Variants in EPHB2 observed in about 807,000 individuals in gnomAD.
The protein encoded by EPHB2 is EPH receptor B2, also known as ephrin type-B receptor 2.
Under a neutral mutation model 96.4 loss-of-function variants are expected in EPHB2, and 18 were observed. The observed-to-expected ratio is 0.19, with a 90% CI of 0.13 to 0.28. EPHB2 has a LOEUF of 0.28. Ranked by LOEUF, EPHB2 falls within the 10% of genes least tolerant of loss-of-function variation. The pLI is 1.00. For synonymous variants in EPHB2, 506 were observed against 534.1 expected (o/e 0.95, Z 0.72); for missense variants, 989 against 1,355.4 (o/e 0.73, Z 4.25).
intron 3 of EPHB2, among the ~76,000 whole-genome samples, chr1:22,820,737 C>T (rs1178390732): frequency 6.6e-6 from 1 of 152,250 alleles, no homozygotes; most frequent in South Asian, 2.1e-4. Flanking sequence ...ACAGACTATG[C>T]CAATGGGTTT....
intron 1 of EPHB2, among the ~76,000 whole-genome samples, chr1:22,766,326 C>T (rs1644307129): frequency 1.3e-5 from 2 of 152,188 alleles, no homozygotes; most frequent in Non-Finnish European, 2.9e-5. Flanking sequence ...GTACATTGAG[C>T]ACCTAGTAGG....
At position 22,781,504 on chromosome 1, in the gene EPHB2, A is replaced by G. The variant is rs775381181; in HGVS notation, c.126+19A>G. On this transcript the variant is annotated intron_variant, in intron 2 of 15. Coordinates refer to ENST00000374630, the MANE Select transcript of EPHB2 (RefSeq NM_017449.5). ...ATCAGGGGTGAGTCAGTGGTCCCCA[A>G]ACCTTGCATTGGTCCCCAGGATCCC... The G allele has an allele frequency of 5.0e-6, 8 of 1,613,338 alleles. No homozygotes were observed. In the African/African-American group the frequency reaches 6.7e-5, roughly 13 times the overall value.
intron 1 of EPHB2, among the ~76,000 whole-genome samples, chr1:22,721,908 G>A (rs769758649): frequency 6.6e-6 from 1 of 151,868 alleles, no homozygotes; most frequent in South Asian, 2.1e-4. Flanking sequence ...AAGCCATTGC[G>A]CCCAGCCTGA....
At chr1:22,737,923 A>G (rs986043357) in intron 1 of EPHB2, among the ~76,000 whole-genome samples, 3 of 152,236 alleles carry the variant, frequency 2.0e-5, no homozygotes, top group Admixed American at 2.0e-4. Context: ...GGCTGTTCAG[A>G]TGCCTCTGAA....
chr1:22,805,686 T>TG (rs1459448210), intron 3 of EPHB2, among the ~76,000 whole-genome samples: 2 of 151,866 alleles, frequency 1.3e-5, no homozygotes, highest in African/African-American at 4.8e-5. Flanking sequence ...TGGGTGGGAA[T>TG]GGGGGTGAGG....
chr1:22,753,368 T>C (rs1644094419), intron 1 of EPHB2, among the ~76,000 whole-genome samples: 1 of 152,200 alleles, frequency 6.6e-6, no homozygotes, highest in South Asian at 2.1e-4. Context: ...TGGCCCGTGC[T>C]GGACACTTAA....
At chr1:22,764,961 G>C (rs1644287188) in intron 1 of EPHB2, among the ~76,000 whole-genome samples, 1 of 152,228 alleles carries the variant, frequency 6.6e-6, no homozygotes, top group Non-Finnish European at 1.5e-5. Context: ...GGTTGGGGCA[G>C]ATGCACGGGA....
intron 3 of EPHB2, among the ~76,000 whole-genome samples, chr1:22,802,792 A>T (rs1009548667): frequency 6.6e-6 from 1 of 151,930 alleles, no homozygotes; most frequent in African/African-American, 2.4e-5. Flanking sequence ...ATATGGTCTG[A>T]CTCTCAGCTC....
At chr1:22,782,971 C>G (rs979763525) in intron 2 of EPHB2, among the ~76,000 whole-genome samples, 1 of 152,168 alleles carries the variant, frequency 6.6e-6, no homozygotes, top group Non-Finnish European at 1.5e-5. Context: ...ATAAAGGACA[C>G]CCACTTGAGG....
At position 22,917,793 on chromosome 1, in the gene EPHB2, G is replaced by A. The variant is rs1339354387; in HGVS notation, c.*4223G>A. The A allele has an allele frequency of 6.6e-6, 1 of 152,212 alleles. No homozygotes were observed. Among genetic ancestry groups the A allele is most frequent in the Non-Finnish European group, 1.5e-5 (1 of 68,066 alleles). The allele number at this position is 152,212 out of a possible 1,614,324, so 9.4% of individuals were successfully genotyped here. On this transcript the variant is annotated 3_prime_UTR_variant, in exon 16 of 16. Coordinates refer to ENST00000374630, the MANE Select transcript of EPHB2 (RefSeq NM_017449.5). ...TCTACCGTGCTCAATTAGATGATGA[G>A]AAACAGTTGGTGTCTGATGCTGGCC...
At position 22,875,945 on chromosome 1, in the gene EPHB2, C is replaced by T. The variant is rs1364852535; in HGVS notation, c.1304-6414C>T. On this transcript the variant is annotated intron_variant, in intron 5 of 15. Transcript: ENST00000374630. This position sits in a 1 kb window ranked among gnomAD's most constrained non-coding sequence, Gnocchi z 4.2. ...GTTTCCAAGCAGAAACACCATAGGG[C>T]CAAGGCCCTGAGGCAGAACAGAAAG... is the stretch of plus-strand genomic sequence containing the variant. Among the ~76,000 whole-genome samples the T allele has an allele frequency of 6.6e-6, 1 of 151,878 alleles. No individual in the cohort carries two copies. The highest frequency in any genetic ancestry group is 1.5e-5 in the Non-Finnish European group (1 of 68,000).
At chr1:22,724,433 A>G (rs1643537700) in intron 1 of EPHB2, among the ~76,000 whole-genome samples, 1 of 152,204 alleles carries the variant, frequency 6.6e-6, no homozygotes, top group East Asian at 1.9e-4. Flanking sequence ...GCGACCAGGA[A>G]GAGTAACTGG....
chr1:22,852,696 T>C lies in EPHB2; in HGVS notation c.812-10341T>C, dbSNP rs117345231. On this transcript the variant is annotated intron_variant, in intron 3 of 15. Transcript: ENST00000374630. ...TCAGTGTCTGGCTCCCCTGGGAGAC[T>C]GTGAGCTCCCCCTACAACTGGGGAA... Among the ~76,000 whole-genome samples the C allele has an allele frequency of 1.2e-3, 178 of 152,314 alleles. 1 individual carries two copies. The East Asian group carries it at 0.031, about 27-fold the overall frequency.
intron 1 of EPHB2, among the ~76,000 whole-genome samples, chr1:22,754,428 C>T (rs1644111706): frequency 6.6e-6 from 1 of 152,170 alleles, no homozygotes; most frequent in Non-Finnish European, 1.5e-5. Flanking sequence ...ATAAATACAA[C>T]AGAGGCAGGA....
rs775705074 is a variant in EPHB2 at position 22,892,955 on chromosome 1, C to T, written c.1500C>T (p.Ala500=). ...CGGTCACCGTGCAGGGCCTCAAAGC[C>T]GGCGCCATCTATGTCTTCCAGGTGC... The part of the protein sequence containing the change: ...TNTVTVQGLK[A]GAIYVFQVRA... Residue 500 remains alanine, a synonymous_variant, in exon 7 of 16, where the codon GCC becomes GCT. Coordinates refer to ENST00000374630, the MANE Select transcript of EPHB2 (RefSeq NM_017449.5). 5.6e-5 allele frequency: 90 copies of T among 1,614,240 alleles called. No individual in the cohort carries two copies. The South Asian group carries it at 7.0e-4, about 13-fold the overall frequency.
intron 1 of EPHB2, among the ~76,000 whole-genome samples, chr1:22,761,865 G>A (rs1320225311): frequency 2.0e-5 from 3 of 152,190 alleles, no homozygotes; most frequent in Admixed American, 1.3e-4. Flanking sequence ...CAGGGCAGCC[G>A]AGGGACTTGG....
At chr1:22,868,918 G>C (rs994474533) in intron 5 of EPHB2, among the ~76,000 whole-genome samples, 2 of 152,140 alleles carry the variant, frequency 1.3e-5, no homozygotes, top group African/African-American at 4.8e-5. Context: ...CCAGAACACA[G>C]ATTTCTCTCT....
intron 1 of EPHB2, among the ~76,000 whole-genome samples, chr1:22,731,173 A>G (rs1643701911): frequency 6.6e-6 from 1 of 152,154 alleles, no homozygotes; most frequent in African/African-American, 2.4e-5. Context: ...TAATGTATTG[A>G]CAATGCGATC....
chr1:22,905,411 G>A (rs1413581838), intron 9 of EPHB2, among the ~76,000 whole-genome samples: 1 of 152,108 alleles, frequency 6.6e-6, no homozygotes, highest in Non-Finnish European at 1.5e-5. Flanking sequence ...GAGTGGGGCG[G>A]CCCCTCAAGG....
Sources: allele counts gnomAD v4.1 joint callset (sites outside exome capture counted in the v4.1 genomes callset), GRCh38; gene constraint gnomAD v4.1.1; non-coding constraint Gnocchi (gnomAD v3.1); transcripts MANE v1.5; gene names NCBI Gene and HGNC (gene_info 2026-07-23, HGNC 2026-07-21).